GLRA2: variants seen among roughly 807,000 people sequenced by gnomAD.
GLRA2 encodes the protein glycine receptor alpha 2.
In GLRA2, 11 loss-of-function variants were observed where a neutral mutation model predicts 31.6. The ratio of observed to expected loss-of-function variants is 0.35; its 90% CI spans 0.22 to 0.58. The LOEUF is 0.58. Ranked by LOEUF, GLRA2 falls within the 20% of genes least tolerant of loss-of-function variation. The probability of loss-of-function intolerance (pLI) is 0.84; values close to 1 mark genes in which losing one functional copy is unlikely to be tolerated. For synonymous variants in GLRA2, 132 were observed against 134.0 expected (o/e 0.99, Z 0.10); for missense variants, 212 against 351.8 (o/e 0.60, Z 3.18).
chrX:14,469,792 A>G, the GLRA2 span, among the ~76,000 whole-genome samples: 1 of 107,877 alleles, frequency 9.3e-6, no homozygotes, highest in Admixed American at 1.0e-4. Context: ...ACGTGTATAC[A>G]TATGTAACTA....
At chrX:14,563,583 C>T (rs779123451) in intron 2 of GLRA2, among the ~76,000 whole-genome samples, 2 of 111,271 alleles carry the variant, frequency 1.8e-5, no homozygotes, top group Middle Eastern at 4.6e-3. Context: ...AAAGTATTGG[C>T]CAATTCAAAG....
At chrX:14,495,417 C>T in the GLRA2 span, among the ~76,000 whole-genome samples, 2,835 of 109,633 alleles carry the variant, frequency 0.026, 89 homozygotes, top group African/African-American at 0.089. Flanking sequence ...TTTTGTTAGT[C>T]GATATAGGGT....
chrX:14,493,634 T>C, the GLRA2 span, among the ~76,000 whole-genome samples: 3 of 102,217 alleles, frequency 2.9e-5, no homozygotes, highest in East Asian at 8.9e-4. Flanking sequence ...CATATATACA[T>C]ATATACATAT....
chrX:14,477,803 C>G, the GLRA2 span, among the ~76,000 whole-genome samples: 1 of 110,823 alleles, frequency 9.0e-6, no homozygotes, highest in Non-Finnish European at 1.9e-5. Context: ...CAGTAGAATC[C>G]TTCTTTGGCA....
At chrX:14,483,446 G>T in the GLRA2 span, among the ~76,000 whole-genome samples, 1 of 111,846 alleles carries the variant, frequency 8.9e-6, no homozygotes, top group Non-Finnish European at 1.9e-5. Context: ...ACTTCATAGG[G>T]TTATAGTAAA....
chrX:14,613,368 T>C (rs1343641582), intron 7 of GLRA2, among the ~76,000 whole-genome samples: 1 of 111,896 alleles, frequency 8.9e-6, no homozygotes, highest in African/African-American at 3.3e-5. Context: ...TAACCAAAGT[T>C]TGTCATATGT....
intron 8 of GLRA2, among the ~76,000 whole-genome samples, chrX:14,708,068 T>C (rs759799285): frequency 3.6e-5 from 4 of 110,369 alleles, no homozygotes; most frequent in Non-Finnish European, 7.6e-5. Flanking sequence ...AAGTATACAA[T>C]ACAGTATTGT....
chrX:14,648,600 A>T (rs963129181), intron 7 of GLRA2, among the ~76,000 whole-genome samples: 39 of 111,799 alleles, frequency 3.5e-4, no homozygotes, highest in Middle Eastern at 4.6e-3. Context: ...AAGACACATA[A>T]CTGAACAGAA....
the GLRA2 span, among the ~76,000 whole-genome samples, chrX:14,518,995 G>C: frequency 4.1e-3 from 350 of 85,120 alleles, 6 homozygotes; most frequent in African/African-American, 0.015. Context: ...CTGGGCAACA[G>C]AGCCAGACTC....
the GLRA2 span, among the ~76,000 whole-genome samples, chrX:14,492,284 C>T: frequency 5.4e-5 from 6 of 111,057 alleles, no homozygotes; most frequent in African/African-American, 2.0e-4. Flanking sequence ...ATGAGGTTTC[C>T]TTGAGTGTCA....
chrX:14,607,342 C>T (rs747150969), intron 6 of GLRA2, 74 bp downstream of exon 6: 4 of 832,933 alleles, frequency 4.8e-6, no homozygotes, highest in Admixed American at 6.1e-5. Flanking sequence ...GTATACATCT[C>T]ATTACTCTAA....
chrX:14,470,181 C>T, the GLRA2 span, among the ~76,000 whole-genome samples: 1 of 111,725 alleles, frequency 9.0e-6, no homozygotes. Context: ...GGCCCGTTTT[C>T]TTACGAGAAC....
At chrX:14,667,507 G>A (rs1012777693) in intron 7 of GLRA2, among the ~76,000 whole-genome samples, 2 of 111,596 alleles carry the variant, frequency 1.8e-5, no homozygotes, top group African/African-American at 6.5e-5. Context: ...TTAACTGATG[G>A]ACAGTAGTTT....
intron 7 of GLRA2, among the ~76,000 whole-genome samples, chrX:14,622,782 T>G (rs2090537067): frequency 8.9e-6 from 1 of 111,923 alleles, no homozygotes; most frequent in Non-Finnish European, 1.9e-5. Flanking sequence ...TGAAGTCAGG[T>G]AGCGTGATGC....
At chrX:14,487,854 T>C in the GLRA2 span, among the ~76,000 whole-genome samples, 1 of 111,797 alleles carries the variant, frequency 8.9e-6, no homozygotes, top group Non-Finnish European at 1.9e-5. Flanking sequence ...CAGATTCTAA[T>C]ACTCTAGTGA....
chrX:14,481,362 G>A, the GLRA2 span, among the ~76,000 whole-genome samples: 1 of 111,307 alleles, frequency 9.0e-6, no homozygotes, highest in African/African-American at 3.3e-5. Context: ...ATATCCCAAA[G>A]CCAGAAGTAA....
chrX:14,558,825 AT>A (rs995170803), intron 2 of GLRA2, among the ~76,000 whole-genome samples: 400 of 100,791 alleles, frequency 4.0e-3, no homozygotes, highest in Middle Eastern at 0.025. Context: ...TTTGTCTAGA[AT>A]TTTTTTTTTT....
Position 14,529,989 on chromosome X carries a change from A to T in GLRA2, c.-69A>T. 1 of 811,547 alleles carries T rather than the reference A, an allele frequency of 1.2e-6. No individual in the cohort carries two copies. Among genetic ancestry groups the T allele is most frequent in the Non-Finnish European group, 1.9e-6 (1 of 530,048 alleles). 66.9% of individuals were successfully genotyped at this position (811,547 alleles called of 1,213,427 possible). A position where few individuals can be genotyped will look rare whatever the true frequency, so the allele number is the denominator to read the frequency against. On this transcript the variant is annotated 5_prime_UTR_variant, in exon 1 of 9. Transcript: ENST00000218075. The stretch of plus-strand genomic sequence containing the variant: ...CAAATTTTGAATCTGGACAATAAAC[A>T]GACACTTTGTCCTAGCATCTTTCTG...
At chrX:14,572,061 G>A (rs1419020422) in intron 2 of GLRA2, among the ~76,000 whole-genome samples, 1 of 111,629 alleles carries the variant, frequency 9.0e-6, no homozygotes, top group Non-Finnish European at 1.9e-5. Flanking sequence ...CTTTTGTGAG[G>A]ATTACACTAG....
Sources: gnomAD v4.1 joint callset for allele counts (sites outside exome capture counted in the v4.1 genomes callset) on GRCh38, gnomAD v4.1.1 for gene constraint, MANE v1.5 for transcripts, NCBI Gene and HGNC (gene_info 2026-07-23, HGNC 2026-07-21) for gene names.